The following DUSP10 variants were observed in gnomAD, a reference collection of about 807,000 sequenced individuals.
DUSP10 encodes the protein dual specificity phosphatase 10.
DUSP10 carries 14 observed loss-of-function variants against 30.8 expected under a neutral mutation model. That is an observed-to-expected ratio of 0.46 (90% confidence interval 0.30 to 0.71). The LOEUF (loss-of-function observed/expected upper bound fraction) is 0.71. Among genes scored for constraint, DUSP10 ranks in the 30% least tolerant of loss-of-function variants. DUSP10 has a pLI of 0.08. For missense variants in DUSP10, 550 were observed against 619.4 expected (o/e 0.89, Z 1.19); for synonymous variants, 254 against 250.4 (o/e 1.01, Z -0.14).
At position 221,702,612 on chromosome 1, in the gene DUSP10, T is replaced by A. The variant is rs374216442; in HGVS notation, c.1249A>T (p.Thr417Ser). ...HCQAGVSRSA[T>S]IVIAYLMKHT... ...TTCATCAAGTAAGCGATGACGATGG[T>A]GGCGGAGCGGGACACCCCAGCCTGG... Residue 417 changes from threonine (T) to serine (S), a missense_variant, in exon 4 of 4, where the codon ACC becomes TCC. Transcript: ENST00000366899. The surrounding 1 kb of genome is among the most constrained non-coding windows in gnomAD (Gnocchi z 4.5). The A allele has an allele frequency of 1.5e-5, 25 of 1,613,998 alleles. No individual in the cohort carries two copies. In the African/African-American group the frequency reaches 3.2e-4, roughly 21 times the overall value.
At chr1:221,722,011 C>T (rs1338181793) in intron 2 of DUSP10, among the ~76,000 whole-genome samples, 1 of 152,138 alleles carries the variant, frequency 6.6e-6, no homozygotes, top group Non-Finnish European at 1.5e-5. Flanking sequence ...TCTTCTATCT[C>T]CTTTTGAAGG....
At chr1:221,723,004 C>T (rs552055644) in intron 2 of DUSP10, among the ~76,000 whole-genome samples, 15 of 152,240 alleles carry the variant, frequency 9.9e-5, no homozygotes, top group African/African-American at 3.4e-4. Flanking sequence ...AAAAACACAA[C>T]AAAAAATCGA....
At chr1:221,740,920 T>G (rs1054475622) in intron 1 of DUSP10, among the ~76,000 whole-genome samples, 1 of 152,110 alleles carries the variant, frequency 6.6e-6, no homozygotes, top group Non-Finnish European at 1.5e-5. Flanking sequence ...CTATTAGACA[T>G]GCACATAGCA....
At chr1:221,721,319 G>GA (rs952473396) in intron 2 of DUSP10, among the ~76,000 whole-genome samples, 18 of 152,090 alleles carry the variant, frequency 1.2e-4, no homozygotes, top group African/African-American at 3.1e-4. Context: ...AGATTTGATT[G>GA]AAAAAAATAG....
intron 2 of DUSP10, among the ~76,000 whole-genome samples, chr1:221,730,074 C>T (rs1031103709): frequency 2.6e-4 from 40 of 152,220 alleles, no homozygotes; most frequent in Middle Eastern, 3.4e-3. Flanking sequence ...TCCACTCCCC[C>T]ACCCCTCCTC....
chr1:221,719,297 A>G (rs562768232), intron 2 of DUSP10, among the ~76,000 whole-genome samples: 37 of 152,352 alleles, frequency 2.4e-4, no homozygotes, highest in Admixed American at 4.6e-4. Flanking sequence ...TATAATGAGC[A>G]AGGCTGAGTA....
At chr1:221,731,339 A>C (rs917110532) in intron 2 of DUSP10, among the ~76,000 whole-genome samples, 2 of 152,092 alleles carry the variant, frequency 1.3e-5, no homozygotes, top group Non-Finnish European at 2.9e-5. Context: ...TGCTTAGCAC[A>C]TCCTCTTTCC....
At chr1:221,741,384 G>C (rs1018445752) in intron 1 of DUSP10, among the ~76,000 whole-genome samples, 1 of 152,022 alleles carries the variant, frequency 6.6e-6, no homozygotes, top group African/African-American at 2.4e-5. Context: ...ACACGCGCTG[G>C]GACCCCCACC....
At chr1:221,707,858 T>C (rs1660812302) in intron 2 of DUSP10, among the ~76,000 whole-genome samples, 1 of 152,226 alleles carries the variant, frequency 6.6e-6, no homozygotes, top group Admixed American at 6.5e-5. Context: ...GCTGAAGAAC[T>C]GTACAAAAAA....
chr1:221,706,553 G>A lies in DUSP10; in HGVS notation c.812-87C>T, dbSNP rs972784979. ...CTCCCCATTAGAATGAGTTTGCATT[G>A]TAGCTCATGCATATTTTAAATACAT... On this transcript the variant is annotated intron_variant, in intron 2 of 3. Transcript: ENST00000366899. This position sits in a 1 kb window ranked among gnomAD's most constrained non-coding sequence, Gnocchi z 4.6. 5.1e-6 allele frequency: 5 copies of A among 989,416 alleles called. No individual in the cohort carries two copies. In the African/African-American group the frequency reaches 6.6e-5, roughly 13 times the overall value. The allele number at this position is 989,416 out of a possible 1,614,324, so 61.3% of individuals were successfully genotyped here.
rs1262066162 is a variant in DUSP10, at chr1:221,705,058, AT to A, written c.1183+1036del. 1.7e-4 allele frequency among the ~76,000 whole-genome samples: 26 copies of A among 152,224 alleles called. No individual in the cohort carries two copies. In the East Asian group the frequency reaches 5.0e-3, roughly 29 times the overall value. On this transcript the variant is annotated intron_variant, in intron 3 of 3. Transcript: ENST00000366899. ...AAAAGTTGAAGTTACGTAAAAAAAA[AT>A]AAATGTTGAGTTTTGCTATATTGCA...
Position 221,702,360 on chromosome 1 carries a change from T to G in DUSP10, c.*52A>C, listed in dbSNP as rs945918755. On this transcript the variant is annotated 3_prime_UTR_variant, in exon 4 of 4. Transcript: ENST00000366899. This position sits in a 1 kb window ranked among gnomAD's most constrained non-coding sequence, Gnocchi z 4.5. Reference sequence around the variant, plus strand: ...GAAAAAAAACCAGAATCCATCCTCCTTCCTCATTGTCTCCTAATGGAGAGC... The same window carrying G: ...GAAAAAAAACCAGAATCCATCCTCCGTCCTCATTGTCTCCTAATGGAGAGC... 1.6e-5 allele frequency: 25 copies of G among 1,560,928 alleles called. No individual in the cohort carries two copies. The African/African-American group carries it at 3.1e-4, about 19-fold the overall frequency.
Position 221,702,731 on chromosome 1 carries a change from GGAGA to G in DUSP10, c.1184-58_1184-55del. ...AAGGGAAGATGGAAGAGAGAGGCAC[GGAGA>G]GAGAAACTTTCATCTCAACTTTGCA... On this transcript the variant is annotated intron_variant, in intron 3 of 3. Transcript: ENST00000366899. This position sits in a 1 kb window ranked among gnomAD's most constrained non-coding sequence, Gnocchi z 4.5. 1 of 1,576,366 alleles carries G rather than the reference GGAGA, an allele frequency of 6.3e-7. No individual in the cohort carries two copies. The highest frequency in any genetic ancestry group is 1.8e-5 in the Admixed American group (1 of 56,448).
At position 221,706,173 on chromosome 1, in the gene DUSP10, T is replaced by C; in HGVS notation, c.1105A>G (p.Asn369Asp). The C allele has an allele frequency of 1.9e-6, 3 of 1,614,176 alleles. No homozygotes were observed. The highest frequency in any genetic ancestry group is 8.5e-7 in the Non-Finnish European group (1 of 1,180,022). Residue 369 changes from asparagine to aspartate, a missense_variant, in exon 3 of 4, where the codon AAC (asparagine) becomes GAC (aspartate). Coordinates refer to ENST00000366899, the MANE Select transcript of DUSP10 (RefSeq NM_007207.6). The surrounding 1 kb of genome is among the most constrained non-coding windows in gnomAD (Gnocchi z 4.6). ...PLYHYEKGLF[N>D]YKRLPATDSN... ...TCAGTGGCTGGCAGCCGCTTGTAGT[T>C]GAACAGGCCTTTCTCATAGTGGTAG...
chr1:221,738,351 A>G lies in DUSP10; in HGVS notation c.811+583T>C, dbSNP rs568035945. 1.5e-3 allele frequency among the ~76,000 whole-genome samples: 230 copies of G among 152,348 alleles called. 2 individuals carry two copies. In the Middle Eastern group the frequency reaches 0.034, roughly 23 times the overall value. On this transcript the variant is annotated intron_variant, in intron 2 of 3. Transcript: ENST00000366899. The stretch of plus-strand genomic sequence containing the variant: ...GGAGCCTTGGCAGAGGAATGGATGT[A>G]ATTGGTGAACTTATACTTTATATGG...
intron 2 of DUSP10, among the ~76,000 whole-genome samples, chr1:221,738,229 T>C (rs1252065092): frequency 2.0e-5 from 3 of 152,188 alleles, no homozygotes; most frequent in Non-Finnish European, 4.4e-5. Flanking sequence ...GACCCATTAC[T>C]CCATCTTGGG....
chr1:221,709,523 G>A (rs1329412082), intron 2 of DUSP10, among the ~76,000 whole-genome samples: 1 of 152,108 alleles, frequency 6.6e-6, no homozygotes. Flanking sequence ...AGGTAAACAA[G>A]GAAATTCTCC....
At position 221,739,607 on chromosome 1, in the gene DUSP10, G is replaced by C; in HGVS notation, c.138C>G (p.Ile46Met). 1.2e-6 allele frequency: 2 copies of C among 1,614,168 alleles called. No homozygotes were observed. The highest frequency in any genetic ancestry group is 1.7e-6 in the Non-Finnish European group (2 of 1,180,028). ...CCTTGAGGGACACAACGGTGGTGGC[G>C]ATGACAGGAGGGTGGCTGTTACTGC... ...NPGSNSHPPV[I>M]ATTVVSLKAA... Residue 46 changes from isoleucine to methionine, a missense_variant, in exon 2 of 4, where the codon ATC becomes ATG. Transcript: ENST00000366899.
At chr1:221,739,812 GAA>G in intron 1 of DUSP10, 25 bp from the exon 2 acceptor site, 1 of 1,500,808 alleles carries the variant, frequency 6.7e-7, no homozygotes, top group Admixed American at 2.3e-5. Flanking sequence ...AAGGGGGAAA[GAA>G]AGAATAAAGT....
Sources: allele counts gnomAD v4.1 joint callset (sites outside exome capture counted in the v4.1 genomes callset), GRCh38; gene constraint gnomAD v4.1.1; non-coding constraint Gnocchi (gnomAD v3.1); transcripts MANE v1.5; gene names NCBI Gene and HGNC (gene_info 2026-07-23, HGNC 2026-07-21).